The following FARP2 variants were observed in gnomAD, a reference collection of about 807,000 sequenced individuals.
The protein encoded by FARP2 is FERM, ARHGEF and pleckstrin domain-containing protein 2.
A neutral mutation model predicts 130.5 loss-of-function variants in FARP2; 111 were observed. The observed-to-expected ratio is 0.85, with a 90% confidence interval of 0.73 to 1.00. FARP2 has a LOEUF of 1.00. FARP2 is among the 50% of genes least tolerant of loss of function. The pLI, the probability that FARP2 is intolerant of heterozygous loss-of-function variation, is 0.00. For missense variants in FARP2, 1,385 were observed against 1,346.3 expected (o/e 1.03, Z -0.45); for synonymous variants, 504 against 516.9 (o/e 0.98, Z 0.34).
At chr2:241,403,177 A>G (rs973397617) in intron 2 of FARP2, among the ~76,000 whole-genome samples, 1 of 151,682 alleles carries the variant, frequency 6.6e-6, no homozygotes, top group Non-Finnish European at 1.5e-5. Flanking sequence ...ATCTTATATA[A>G]ATAAAGACTC....
In FARP2 at chr2:241,494,042, G is replaced by A; in HGVS notation, c.3082G>A (p.Ala1028Thr). 1 of 1,415,090 alleles carries A rather than the reference G, an allele frequency of 7.1e-7. No homozygotes were observed. The highest frequency in any genetic ancestry group is 9.2e-7 in the Non-Finnish European group (1 of 1,083,622). 87.7% of individuals were successfully genotyped at this position (1,415,090 alleles called of 1,614,324 possible). A position where few individuals can be genotyped will look rare whatever the true frequency, so the allele number is the denominator to read the frequency against. The change falls in exon 27 of 27, where the codon GCC (alanine) becomes ACC (threonine). Residue 1028 changes from alanine (A) to threonine (T), a missense_variant. By Grantham distance (58) the Ala-to-Thr change is moderately conservative. Coordinates refer to ENST00000264042, the MANE Select transcript of FARP2 (RefSeq NM_014808.4). This position sits in a 1 kb window ranked among gnomAD's most constrained non-coding sequence, Gnocchi z 4.9. ...MEVIQGASSS[A>T]GRAPSIVQDG... The stretch of plus-strand genomic sequence containing the variant: ...GGTGATCCAGGGGGCCAGCAGCTCA[G>A]CCGGGAGGGCCCCAAGCATCGTGCA...
intron 19 of FARP2, among the ~76,000 whole-genome samples, chr2:241,479,383 C>T (rs1483489782): frequency 6.6e-6 from 1 of 152,234 alleles, no homozygotes; most frequent in African/African-American, 2.4e-5. Flanking sequence ...ATCCAGCACG[C>T]CGTGGCCTCG....
chr2:241,463,680 A>C, intron 16 of FARP2: 1 of 689,500 alleles, frequency 1.5e-6, no homozygotes, highest in Non-Finnish European at 2.4e-6. Flanking sequence ...TTAAAAATGG[A>C]AGATCCCTTT....
chr2:241,415,480 C>T (rs1162384147), intron 7 of FARP2, among the ~76,000 whole-genome samples: 1 of 152,090 alleles, frequency 6.6e-6, no homozygotes, highest in East Asian at 1.9e-4. Context: ...CATTGTGCTG[C>T]GAACTGTCCA....
intron 18 of FARP2, among the ~76,000 whole-genome samples, chr2:241,469,726 T>C (rs911433807): frequency 1.3e-5 from 2 of 152,196 alleles, no homozygotes; most frequent in African/African-American, 4.8e-5. Flanking sequence ...GAGGTTGGCC[T>C]GGGCCCGGGC....
chr2:241,375,760 G>A (rs932721900), intron 2 of FARP2, among the ~76,000 whole-genome samples: 3 of 151,876 alleles, frequency 2.0e-5, no homozygotes, highest in Admixed American at 6.6e-5. Flanking sequence ...GTTGGATGGG[G>A]TACTTTTTTT....
At chr2:241,479,369 C>T (rs1393985173) in intron 19 of FARP2, among the ~76,000 whole-genome samples, 3 of 152,240 alleles carry the variant, frequency 2.0e-5, no homozygotes, top group Admixed American at 6.5e-5. Context: ...ACGGCCTCAT[C>T]GGCATCCAGC....
intron 21 of FARP2, among the ~76,000 whole-genome samples, chr2:241,486,794 C>T (rs1416452543): frequency 6.6e-6 from 1 of 152,252 alleles, no homozygotes; most frequent in Non-Finnish European, 1.5e-5. Context: ...GCCTTGGGCA[C>T]TCCTGCTAAA....
chr2:241,492,619 G>GTCTC lies in FARP2; in HGVS notation c.2788-308_2788-305dup, dbSNP rs2064961680. The GTCTC allele has an allele frequency of 1.1e-5, 3 of 264,632 alleles. 1 individual carries two copies. Among genetic ancestry groups the GTCTC allele is most frequent in the South Asian group, 1.5e-4 (2 of 13,106 alleles). The allele number at this position is 264,632 out of a possible 1,614,324, so 16.4% of individuals were successfully genotyped here. ...CCTTCCAGACTTGGCTCAATGTACT[G>GTCTC]TCTCTTAAGGTATCTTCTCTCTTCT... On this transcript the variant is annotated intron_variant, in intron 24 of 26. Coordinates refer to ENST00000264042, the MANE Select transcript of FARP2 (RefSeq NM_014808.4).
intron 19 of FARP2, among the ~76,000 whole-genome samples, chr2:241,481,161 C>G (rs1318828048): frequency 6.6e-6 from 1 of 151,712 alleles, no homozygotes; most frequent in Non-Finnish European, 1.5e-5. Context: ...CCCAGGAGGT[C>G]AAGGCTAGAG....
At chr2:241,457,021 A>G (rs2063863834) in intron 14 of FARP2, 99 bp downstream of exon 14, 3 of 1,125,896 alleles carry the variant, frequency 2.7e-6, no homozygotes, top group Admixed American at 3.0e-5. Context: ...GGGGCGGGGC[A>G]GGGAAGGGCT....
chr2:241,414,365 A>C (rs2062608566), intron 7 of FARP2, among the ~76,000 whole-genome samples: 1 of 152,166 alleles, frequency 6.6e-6, no homozygotes, highest in African/African-American at 2.4e-5. Context: ...TCAGCTGGTG[A>C]AAGTGAGTCA....
At chr2:241,470,267 G>A (rs1284180937) in intron 18 of FARP2, among the ~76,000 whole-genome samples, 1 of 152,218 alleles carries the variant, frequency 6.6e-6, no homozygotes, top group African/African-American at 2.4e-5. Context: ...AGTTTCCAAG[G>A]GTGCTGGATG....
chr2:241,450,003 T>C (rs2063608770), intron 13 of FARP2, among the ~76,000 whole-genome samples: 1 of 146,204 alleles, frequency 6.8e-6, no homozygotes. Context: ...CAAGACTCCA[T>C]CTCAAAAAAA....
chr2:241,386,565 G>A (rs73002170), intron 2 of FARP2, among the ~76,000 whole-genome samples: 25,411 of 152,164 alleles, frequency 0.17, 2,516 homozygotes, highest in East Asian at 0.4. Flanking sequence ...AAAGGGAAAG[G>A]GGAGGTTTGG....
At chr2:241,484,837 A>G (rs2064712134) in intron 21 of FARP2, among the ~76,000 whole-genome samples, 1 of 152,164 alleles carries the variant, frequency 6.6e-6, no homozygotes, top group African/African-American at 2.4e-5. Context: ...GGTCATGGGG[A>G]GACTTTCATG....
chr2:241,466,509 G>C (rs1371700748), intron 17 of FARP2: 1 of 985,330 alleles, frequency 1.0e-6, no homozygotes. Flanking sequence ...CCCTGCCACA[G>C]AGAGGGACCC....
chr2:241,429,209 TG>T (rs1482799972), intron 8 of FARP2, among the ~76,000 whole-genome samples: 4 of 152,384 alleles, frequency 2.6e-5, no homozygotes, highest in Non-Finnish European at 1.5e-5. Context: ...AAGGTCCTGC[TG>T]GCCTTTACCT....
At chr2:241,442,456 G>GA (rs756249513) in intron 13 of FARP2, 368 of 456,678 alleles carry the variant, frequency 8.1e-4, no homozygotes, top group Non-Finnish European at 1.4e-3. Flanking sequence ...CACAAGTGGA[G>GA]AAAGAGTCCC....
Sources: gnomAD v4.1 joint callset for allele counts (sites outside exome capture counted in the v4.1 genomes callset) on GRCh38, gnomAD v4.1.1 for gene constraint, Gnocchi (gnomAD v3.1) non-coding constraint, MANE v1.5 for transcripts, NCBI Gene and HGNC (gene_info 2026-07-23, HGNC 2026-07-21) for gene names.